Variants in ADAMTS9 observed in about 807,000 individuals in gnomAD.
The protein encoded by ADAMTS9 is A disintegrin and metalloproteinase with thrombospondin motifs 9.
A neutral mutation model predicts 257.1 loss-of-function variants in ADAMTS9; 107 were observed. The ratio of observed to expected loss-of-function variants is 0.42; its 90% CI spans 0.36 to 0.49. The LOEUF is 0.49. Among genes scored for constraint, ADAMTS9 ranks in the 20% least tolerant of loss-of-function variants. The pLI is 0.03. For synonymous variants in ADAMTS9, 982 were observed against 880.9 expected, an observed-to-expected ratio of 1.11 and a Z score of -2.03; for missense variants, 2,353 against 2,469.1, an observed-to-expected ratio of 0.95 and a Z score of 1.00.
At chr3:64,533,347 T>G (rs953982118) in intron 37 of ADAMTS9, 77 bp from the exon 38 acceptor site, 122 of 1,086,922 alleles carry the variant, frequency 1.1e-4, no homozygotes, top group Non-Finnish European at 1.6e-4. Flanking sequence ...GGTGATACAA[T>G]AAAAGGTACT....
At chr3:64,620,260 C>A (rs898887557) in intron 19 of ADAMTS9, among the ~76,000 whole-genome samples, 3 of 152,112 alleles carry the variant, frequency 2.0e-5, no homozygotes, top group Admixed American at 2.0e-4. Context: ...TCAAGTAGGC[C>A]TCATAATCTG....
chr3:64,676,734 C>T (rs914059681), intron 3 of ADAMTS9, among the ~76,000 whole-genome samples: 1 of 152,174 alleles, frequency 6.6e-6, no homozygotes, highest in African/African-American at 2.4e-5. Context: ...CAACACTGTA[C>T]TGGATCTCGT....
chr3:64,538,884 C>T (rs4317089), intron 37 of ADAMTS9, among the ~76,000 whole-genome samples: 6,328 of 152,148 alleles, frequency 0.042, 723 homozygotes, highest in Admixed American at 0.25. Context: ...GCTGACTGTA[C>T]AATATTCATT....
At chr3:64,525,847 C>T (rs2082903165) in intron 38 of ADAMTS9, among the ~76,000 whole-genome samples, 1 of 151,250 alleles carries the variant, frequency 6.6e-6, no homozygotes, top group African/African-American at 2.4e-5. Context: ...CTGACCTCAA[C>T]CGATCTGCTG....
intron 19 of ADAMTS9, among the ~76,000 whole-genome samples, chr3:64,618,567 T>C (rs2106853045): frequency 6.6e-6 from 1 of 152,314 alleles, no homozygotes; most frequent in East Asian, 1.9e-4. Flanking sequence ...AGTTGCGTGC[T>C]TCACTAAGCC....
chr3:64,621,032 C>T, intron 19 of ADAMTS9, 82 bp downstream of exon 19: 1 of 1,502,472 alleles, frequency 6.7e-7, no homozygotes, highest in Non-Finnish European at 9.0e-7. Flanking sequence ...ACCAGCATCC[C>T]CTCCTTTTGC....
chr3:64,683,120 C>G (rs373585818), intron 2 of ADAMTS9, among the ~76,000 whole-genome samples: 9 of 152,268 alleles, frequency 5.9e-5, no homozygotes, highest in Middle Eastern at 6.8e-3. Flanking sequence ...TGCCTGTGTT[C>G]AATACACAAC....
rs149188165 is a variant in ADAMTS9, at chr3:64,681,301, T to C, written c.579A>G (p.Glu193=). ...YFIEPLQSMD[E]QEDEEEQNKP... ...TGTTTTGTTCCTCTTCATCTTCTTG[T>C]TCATCCATAGACTGTAGTGGTTCAA... The change falls in exon 3 of 40, where the codon GAA becomes GAG. Residue 193 remains glutamate, a synonymous_variant. Coordinates refer to ENST00000498707, the MANE Select transcript of ADAMTS9 (RefSeq NM_182920.2). 1 of 1,614,098 alleles carries C rather than the reference T, an allele frequency of 6.2e-7. No individual in the cohort carries two copies. Among genetic ancestry groups the C allele is most frequent in the African/African-American group, 1.3e-5 (1 of 75,038 alleles).
At chr3:64,531,780 A>G (rs1387045595) in intron 38 of ADAMTS9, among the ~76,000 whole-genome samples, 2 of 152,168 alleles carry the variant, frequency 1.3e-5, no homozygotes, top group African/African-American at 4.8e-5. Context: ...CCTTGTAATA[A>G]AACCCTACTT....
chr3:64,669,365 C>G lies in ADAMTS9; in HGVS notation c.680-10574G>C, dbSNP rs185786961. 2.6e-5 allele frequency among the ~76,000 whole-genome samples: 4 copies of G among 152,216 alleles called. No homozygotes were observed. In the East Asian group the frequency reaches 7.7e-4, roughly 29 times the overall value. ...CTTTTGAACATCCCCTTTCCAGGCA[C>G]CATCTGCAGCTTTTCCTTTTGTTAC... On this transcript the variant is annotated intron_variant, in intron 3 of 39. Coordinates refer to ENST00000498707, the MANE Select transcript of ADAMTS9 (RefSeq NM_182920.2).
Position 64,631,820 on chromosome 3 carries a change from T to C in ADAMTS9, c.2281A>G (p.Thr761Ala). The stretch of plus-strand genomic sequence containing the variant: ...AGCAGATTCTTACCATAATGTACTG[T>C]ATTAAATGTTCCTGCCACTGTTTTG... ...SCKTVAGTFN[T>A]VHYGYNTVVR... is the part of the protein sequence containing the mutation. The change falls in exon 15 of 40, where the codon ACA becomes GCA. Residue 761 changes from threonine (T) to alanine (A), a missense_variant. Thr to Ala is a moderately conservative substitution (Grantham distance 58, BLOSUM62 0). Transcript: ENST00000498707. 1 of 1,612,264 alleles carries C rather than the reference T, an allele frequency of 6.2e-7. No individual in the cohort carries two copies. Among genetic ancestry groups the C allele is most frequent in the East Asian group, 2.2e-5 (1 of 44,866 alleles).
chr3:64,520,619 G>A (rs2082837643), intron 39 of ADAMTS9, among the ~76,000 whole-genome samples: 2 of 152,102 alleles, frequency 1.3e-5, no homozygotes. Context: ...TAATGGAACA[G>A]AATAAGGAAC....
intron 37 of ADAMTS9, among the ~76,000 whole-genome samples, chr3:64,538,962 C>T (rs1230153706): frequency 1.3e-5 from 2 of 152,140 alleles, no homozygotes; most frequent in Non-Finnish European, 2.9e-5. Context: ...TCTAAGTTGG[C>T]GTGTTTTGTT....
At chr3:64,614,737 G>A (rs1382283042) in intron 21 of ADAMTS9, 2 of 152,390 alleles carry the variant, frequency 1.3e-5, no homozygotes, top group Non-Finnish European at 2.9e-5. Flanking sequence ...TTGTTGTCCT[G>A]GGACCATCTG....
chr3:64,517,416 G>GTTTTTTTTGTTTTTT (rs1553698668), intron 39 of ADAMTS9, among the ~76,000 whole-genome samples: 4 of 52,668 alleles, frequency 7.6e-5, no homozygotes, highest in East Asian at 6.9e-4. Flanking sequence ...ATTAAAAATG[G>GTTTTTTTTGTTTTTT]TTTTTTTTTT....
intron 27 of ADAMTS9, among the ~76,000 whole-genome samples, chr3:64,595,838 G>A (rs562174095): frequency 3.6e-4 from 55 of 152,030 alleles, no homozygotes; most frequent in South Asian, 1.5e-3. Context: ...GTTATTTCTC[G>A]TGTTTTATTT....
intron 3 of ADAMTS9, among the ~76,000 whole-genome samples, chr3:64,678,567 G>A (rs562578680): frequency 6.6e-6 from 1 of 152,266 alleles, no homozygotes; most frequent in Non-Finnish European, 1.5e-5. Flanking sequence ...ACTTCTAAAG[G>A]TCACTTTTGG....
intron 32 of ADAMTS9, among the ~76,000 whole-genome samples, chr3:64,543,420 T>C (rs2083154119): frequency 6.6e-6 from 1 of 152,210 alleles, no homozygotes; most frequent in Admixed American, 6.5e-5. Flanking sequence ...TTATCCACCA[T>C]GATCAAGTTG....
At chr3:64,632,322 T>C (rs1700386753) in intron 14 of ADAMTS9, among the ~76,000 whole-genome samples, 1 of 152,200 alleles carries the variant, frequency 6.6e-6, no homozygotes, top group Admixed American at 6.5e-5. Flanking sequence ...CTGTATCTAA[T>C]TAAAGAGCTC....
Sources: gnomAD v4.1 joint callset for allele counts (sites outside exome capture counted in the v4.1 genomes callset) on GRCh38, gnomAD v4.1.1 for gene constraint, MANE v1.5 for transcripts, NCBI Gene and HGNC (gene_info 2026-07-23, HGNC 2026-07-21) for gene names.